Variants in PROSER1 observed in about 807,000 individuals in gnomAD.
PROSER1 encodes the protein proline and serine rich 1, also known as proline and serine-rich protein 1.
PROSER1 carries 36 observed loss-of-function variants against 71.8 expected under a neutral mutation model. The ratio of observed to expected loss-of-function variants is 0.50; its 90% CI spans 0.38 to 0.66. The LOEUF is 0.66. PROSER1 is among the 30% of genes least tolerant of loss of function. The probability of loss-of-function intolerance (pLI) is 0.00; values close to 1 mark genes in which losing one functional copy is unlikely to be tolerated. For synonymous variants in PROSER1, 490 were observed against 452.4 expected, an observed-to-expected ratio of 1.08 and a Z score of -1.06; for missense variants, 1,107 against 1,135.0, an observed-to-expected ratio of 0.98 and a Z score of 0.35.
chr13:39,030,345 AGACT>A (rs897618419), intron 3 of PROSER1, among the ~76,000 whole-genome samples: 37 of 152,210 alleles, frequency 2.4e-4, no homozygotes, highest in African/African-American at 7.5e-4. Flanking sequence ...CAATCAAATC[AGACT>A]GACATTTTTA....
At position 39,024,325 on chromosome 13, in the gene PROSER1, T is replaced by C; in HGVS notation, c.564+148A>G. ...CTCTTACTACTGTTAAATATTTATG[T>C]TTCCCTCATCCATTCACTCTCTCAC... On this transcript the variant is annotated intron_variant, in intron 7 of 12. Transcript: ENST00000352251. 5.2e-6 allele frequency: 3 copies of C among 582,004 alleles called. No homozygotes were observed. In the South Asian group the frequency reaches 7.6e-5, roughly 15 times the overall value. The allele number at this position is 582,004 out of a possible 1,614,324, so 36.1% of individuals were successfully genotyped here. A position where few individuals can be genotyped will look rare whatever the true frequency, so the allele number is the denominator to read the frequency against.
At chr13:39,026,217 A>G in intron 6 of PROSER1, 60 bp downstream of exon 6, 1 of 1,067,012 alleles carries the variant, frequency 9.4e-7, no homozygotes, top group Non-Finnish European at 1.4e-6. Context: ...TCATTAACTT[A>G]TTCTACACTT....
intron 9 of PROSER1, among the ~76,000 whole-genome samples, chr13:39,020,355 GCT>G (rs1016674850): frequency 2.6e-5 from 4 of 151,736 alleles, no homozygotes; most frequent in African/African-American, 9.7e-5. Context: ...TTACTATATA[GCT>G]CTCTCTCTGT....
intron 1 of PROSER1, among the ~76,000 whole-genome samples, chr13:39,035,013 C>G (rs1044320213): frequency 3.3e-5 from 5 of 152,194 alleles, no homozygotes; most frequent in African/African-American, 1.2e-4. Flanking sequence ...AAACAGCTAT[C>G]TTAAGTCAGT....
intron 2 of PROSER1, among the ~76,000 whole-genome samples, chr13:39,033,692 CTG>C (rs1870965327): frequency 6.6e-6 from 1 of 152,138 alleles, no homozygotes; most frequent in Admixed American, 6.5e-5. Flanking sequence ...TTAAATAACA[CTG>C]TGTATTTTTC....
chr13:39,028,169 G>T, intron 5 of PROSER1, 58 bp downstream of exon 5: 1 of 882,556 alleles, frequency 1.1e-6, no homozygotes, highest in Non-Finnish European at 1.9e-6. Flanking sequence ...GTGCTTTTTC[G>T]TCTTCAATAT....
intron 9 of PROSER1, among the ~76,000 whole-genome samples, chr13:39,018,583 GAAT>G (rs1233264164): frequency 4.6e-5 from 7 of 150,600 alleles, no homozygotes; most frequent in South Asian, 2.1e-4. Flanking sequence ...TAAATGGAAA[GAAT>G]AATAAAGATT....
intron 5 of PROSER1, among the ~76,000 whole-genome samples, chr13:39,027,496 C>T (rs1870603142): frequency 6.6e-6 from 1 of 152,118 alleles, no homozygotes; most frequent in Non-Finnish European, 1.5e-5. Context: ...AAGAAAACTA[C>T]AGCAGTAATA....
intron 7 of PROSER1, 144 bp from the exon 8 acceptor site, chr13:39,023,274 G>A: frequency 1.7e-6 from 1 of 579,688 alleles, no homozygotes; most frequent in Non-Finnish European, 3.1e-6. Context: ...CAACAAATGA[G>A]GGAAATTTCT....
Position 39,029,385 on chromosome 13 carries a change from T to TA in PROSER1, c.181-11dup. ...GGACAGCCACCATTTTCTGTTGATATAAAAAATAATTTTATTTTTAACGTG... is the reference window on the plus strand; with the variant it reads ...GGACAGCCACCATTTTCTGTTGATATAAAAAAATAATTTTATTTTTAACGTG... On this transcript the variant is annotated splice_polypyrimidine_tract_variant and intron_variant, in intron 3 of 12. Transcript: ENST00000352251. 7.2e-7 allele frequency: 1 copy of TA among 1,385,400 alleles called. No homozygotes were observed. Among genetic ancestry groups the TA allele is most frequent in the Admixed American group, 2.8e-5 (1 of 36,266 alleles). 85.8% of individuals were successfully genotyped at this position (1,385,400 alleles called of 1,614,324 possible).
At chr13:39,033,513 G>A (rs1451775528) in intron 2 of PROSER1, among the ~76,000 whole-genome samples, 1 of 152,130 alleles carries the variant, frequency 6.6e-6, no homozygotes, top group Non-Finnish European at 1.5e-5. Context: ...TAATATTTAT[G>A]CCTGACTTCT....
intron 10 of PROSER1, among the ~76,000 whole-genome samples, chr13:39,016,059 A>T (rs181672620): frequency 2.3e-4 from 35 of 152,312 alleles, no homozygotes; most frequent in Admixed American, 2.3e-3. Flanking sequence ...AAGCTATCCT[A>T]GAGTATTATT....
intron 4 of PROSER1, among the ~76,000 whole-genome samples, chr13:39,028,690 G>T (rs1870665049): frequency 6.6e-6 from 1 of 151,968 alleles, no homozygotes; most frequent in African/African-American, 2.4e-5. Flanking sequence ...CTTTAATTTT[G>T]TGCTTTTATG....
chr13:39,019,836 T>A (rs1205855501), intron 9 of PROSER1, among the ~76,000 whole-genome samples: 3 of 151,748 alleles, frequency 2.0e-5, no homozygotes, highest in Non-Finnish European at 2.9e-5. Flanking sequence ...ATTAAAAGTC[T>A]AACAGGTTTA....
chr13:39,029,297 G>T lies in PROSER1; in HGVS notation c.259C>A (p.Leu87Ile). The T allele has an allele frequency of 2.1e-6, 3 of 1,419,832 alleles. No individual in the cohort carries two copies. Among genetic ancestry groups the T allele is most frequent in the South Asian group, 1.5e-5 (1 of 68,076 alleles). The allele number at this position is 1,419,832 out of a possible 1,614,324, so 88.0% of individuals were successfully genotyped here. Residue 87 changes from leucine to isoleucine, a missense_variant, in exon 4 of 13, where the codon CTT becomes ATT. Leu to Ile is a conservative substitution (Grantham distance 5, BLOSUM62 2). Transcript: ENST00000352251. ...FTFSKDKLVA[L>I]ELLASNIIDA... ...AATACTTACGAGGCTAACAGTTCAA[G>T]AGCAACTAGTTTGTCTTTACTGAAA...
At chr13:39,011,565 C>CA in intron 12 of PROSER1, 78 bp from the exon 13 acceptor site, 1 of 1,385,844 alleles carries the variant, frequency 7.2e-7, no homozygotes, top group Non-Finnish European at 9.9e-7. Flanking sequence ...CCATGCCACA[C>CA]AGAGATATTC....
intron 9 of PROSER1, among the ~76,000 whole-genome samples, chr13:39,021,253 T>C (rs769602068): frequency 1.3e-5 from 2 of 152,200 alleles, no homozygotes; most frequent in African/African-American, 2.4e-5. Context: ...AGAGTATTCT[T>C]TGCTATCCCG....
In PROSER1 at chr13:39,022,887, T is replaced by A. The variant is rs1870360936; in HGVS notation, c.643+165A>T. 7.5e-6 allele frequency: 4 copies of A among 531,418 alleles called. No homozygotes were observed. In the South Asian group the frequency reaches 1.3e-4, roughly 17 times the overall value. 32.9% of individuals were successfully genotyped at this position (531,418 alleles called of 1,614,324 possible). Reference sequence around the variant, plus strand: ...ATCCTAAATAAACTATCTGCTGCAGTGTTGTAGGCCAGGACACTACTAGCT... The same window carrying A: ...ATCCTAAATAAACTATCTGCTGCAGAGTTGTAGGCCAGGACACTACTAGCT... On this transcript the variant is annotated intron_variant, in intron 8 of 12. Coordinates refer to ENST00000352251, the MANE Select transcript of PROSER1 (RefSeq NM_025138.5).
At chr13:39,011,769 T>C (rs1475797525) in intron 12 of PROSER1, among the ~76,000 whole-genome samples, 2 of 152,246 alleles carry the variant, frequency 1.3e-5, no homozygotes, top group African/African-American at 4.8e-5. Flanking sequence ...ATCATTAAGC[T>C]TGAATTACAG....
Sources: gnomAD v4.1 joint callset for allele counts (sites outside exome capture counted in the v4.1 genomes callset) on GRCh38, gnomAD v4.1.1 for gene constraint, MANE v1.5 for transcripts, NCBI Gene and HGNC (gene_info 2026-07-23, HGNC 2026-07-21) for gene names.